The following ENAM variants were observed in gnomAD, a reference collection of about 807,000 sequenced individuals.
ENAM encodes the protein enamelin.
A neutral mutation model predicts 33.6 loss-of-function variants in ENAM; 21 were observed. That is an observed-to-expected ratio of 0.63 (90% CI 0.44 to 0.90). The LOEUF (loss-of-function observed/expected upper bound fraction) is 0.90, where lower values mean the gene tolerates loss of function less well. Among genes scored for constraint, ENAM ranks in the 40% least tolerant of loss-of-function variants. ENAM has a pLI of 0.00. For missense variants in ENAM, 1,388 were observed against 1,366.9 expected, an observed-to-expected ratio of 1.02 and a Z score of -0.24; for synonymous variants, 473 against 468.4, an observed-to-expected ratio of 1.01 and a Z score of -0.13.
intron 1 of ENAM, 66 bp from the exon 2 acceptor site, chr4:70,629,375 A>G (rs1738250360): frequency 1.3e-6 from 1 of 791,072 alleles, no homozygotes; most frequent in Non-Finnish European, 2.3e-6. Context: ...TTAACATGAC[A>G]TGTGCTGCCT....
chr4:70,633,304 G>A (rs948692628), intron 5 of ENAM, among the ~76,000 whole-genome samples: 4 of 151,932 alleles, frequency 2.6e-5, no homozygotes, highest in African/African-American at 9.7e-5. Context: ...CCATTTTTTT[G>A]TAACCCTTTT....
In ENAM at chr4:70,634,411, G is replaced by A. The variant is rs1388301140; in HGVS notation, c.314G>A (p.Arg105Gln). The change falls in exon 6 of 9, where the codon CGG becomes CAG. Residue 105 changes from arginine (R) to glutamine (Q), a missense_variant. Coordinates refer to ENST00000396073, the MANE Select transcript of ENAM (RefSeq NM_031889.3). ...PQPPPNTWHPRKSSAPKRHNK... is the reference protein window; with the variant it reads ...PQPPPNTWHPQKSSAPKRHNK... ...CCACCACCCAACACATGGCATCCAC[G>A]GAAATCCTCAGCACCCAAACGTCAT... The A allele has an allele frequency of 6.8e-6, 11 of 1,613,938 alleles. No individual in the cohort carries two copies. The highest frequency in any genetic ancestry group is 2.2e-5 in the East Asian group (1 of 44,884).
chr4:70,636,422 T>A (rs1738453514), intron 7 of ENAM, among the ~76,000 whole-genome samples: 1 of 151,890 alleles, frequency 6.6e-6, no homozygotes, highest in South Asian at 2.1e-4. Context: ...TCACTTGAGG[T>A]CAGGAGCTCA....
intron 8 of ENAM, among the ~76,000 whole-genome samples, chr4:70,641,293 G>A (rs1738591039): frequency 6.6e-6 from 1 of 152,080 alleles, no homozygotes. Context: ...TATGCCTTTG[G>A]GAGTTGTTAG....
intron 7 of ENAM, among the ~76,000 whole-genome samples, chr4:70,636,872 C>T (rs150616503): frequency 6.6e-6 from 1 of 152,164 alleles, no homozygotes; most frequent in East Asian, 1.9e-4. Flanking sequence ...GAAATTGCAT[C>T]ATAGGCATTA....
Position 70,644,703 on chromosome 4 carries a change from C to A in ENAM, c.3277C>A (p.Pro1093Thr). The change falls in exon 9 of 9, where the codon CCT (proline) becomes ACT (threonine). Residue 1093 changes from proline to threonine, a missense_variant. Physicochemically the swap from Pro to Thr is conservative, Grantham distance 38. Transcript: ENST00000396073. ...GGATTCAATTACGCCTACTGAAAAT[C>A]CTAACACATTGGTTGAGTTAGCTAC... ...DGDSITPTEN[P>T]NTLVELATEE... 6.2e-7 allele frequency: 1 copy of A among 1,614,132 alleles called. No homozygotes were observed. The highest frequency in any genetic ancestry group is 8.5e-7 in the Non-Finnish European group (1 of 1,180,010).
intron 5 of ENAM, 54 bp downstream of exon 5, chr4:70,632,746 C>T: frequency 4.9e-6 from 6 of 1,236,320 alleles, no homozygotes; most frequent in Non-Finnish European, 7.2e-6. Context: ...TAGATAACTC[C>T]GTTATAAAGT....
chr4:70,631,820 A>T (rs749619501), intron 3 of ENAM, 29 bp from the exon 4 acceptor site: 1 of 1,613,566 alleles, frequency 6.2e-7, no homozygotes. Context: ...GATGTTCTGC[A>T]TTTGTCACTG....
intron 2 of ENAM, 92 bp downstream of exon 2, chr4:70,629,646 A>G: frequency 1.1e-6 from 1 of 933,252 alleles, no homozygotes; most frequent in Non-Finnish European, 1.8e-6. Context: ...CACTACTGAA[A>G]TGTATCAGAA....
chr4:70,643,508 T>A lies in ENAM; in HGVS notation c.2082T>A (p.Asn694Lys). 1.2e-6 allele frequency: 2 copies of A among 1,614,062 alleles called. No homozygotes were observed. The highest frequency in any genetic ancestry group is 1.7e-6 in the Non-Finnish European group (2 of 1,179,978). The change falls in exon 9 of 9, where the codon AAT (asparagine) becomes AAA (lysine). Residue 694 changes from asparagine to lysine, a missense_variant. Asn to Lys is a moderately conservative substitution (Grantham distance 94). Transcript: ENST00000396073. ...RHYEGEQYTS[N>K]QPKEYLPYSL... is the part of the protein sequence containing the mutation. ...ATGAAGGTGAACAATATACCTCAAA[T>A]CAGCCAAAGGAATATCTTCCCTATT...
intron 2 of ENAM, 116 bp from the exon 3 acceptor site, chr4:70,631,554 C>A: frequency 1.3e-6 from 1 of 795,576 alleles, no homozygotes; most frequent in African/African-American, 1.7e-5. Flanking sequence ...AGCAGGGGCC[C>A]CATCCATTTC....
intron 8 of ENAM, among the ~76,000 whole-genome samples, chr4:70,641,199 G>A (rs1436040497): frequency 6.6e-6 from 1 of 152,134 alleles, no homozygotes; most frequent in African/African-American, 2.4e-5. Flanking sequence ...AGTTCTGGGT[G>A]CATTCAGTTG....
At chr4:70,641,753 AAAAC>A (rs1195132914) in intron 8 of ENAM, among the ~76,000 whole-genome samples, 2 of 152,166 alleles carry the variant, frequency 1.3e-5, no homozygotes, top group African/African-American at 4.8e-5. Context: ...ACAAAACAGA[AAAAC>A]AAACAAAAAC....
rs767353566 is a variant in ENAM at position 70,629,531 on chromosome 4, T to C, written c.31T>C (p.Ser11Pro). The change falls in exon 2 of 9, where the codon TCT (serine) becomes CCT (proline). Residue 11 changes from serine to proline, a missense_variant. Physicochemically the swap from Ser to Pro is moderately conservative, Grantham distance 74. Transcript: ENST00000396073. MLVLRCRLGTSFPKLDNLVPK... is the reference protein window; with the variant it reads MLVLRCRLGTPFPKLDNLVPK... ...GGTGCTTCGGTGCAGGCTTGGAACCTCTTTTCCTAAACTAGATAACTTGGT... is the reference window on the plus strand; with the variant it reads ...GGTGCTTCGGTGCAGGCTTGGAACCCCTTTTCCTAAACTAGATAACTTGGT... 3 of 1,613,404 alleles carry C rather than the reference T, an allele frequency of 1.9e-6. No individual in the cohort carries two copies. The highest frequency in any genetic ancestry group is 2.5e-6 in the Non-Finnish European group (3 of 1,179,434).
In ENAM at chr4:70,644,068, G is replaced by A. The variant is rs372618651; in HGVS notation, c.2642G>A (p.Gly881Glu). 30 of 1,614,016 alleles carry A rather than the reference G, an allele frequency of 1.9e-5. No individual in the cohort carries two copies. The highest frequency in any genetic ancestry group is 2.5e-5 in the Non-Finnish European group (30 of 1,179,986). The part of the protein sequence containing the change: ...RGSCCAGSST[G>E]PKDNPLALQD... The stretch of plus-strand genomic sequence containing the variant: ...TCTTGCTGTGCTGGTAGCTCCACAG[G>A]GCCCAAGGACAATCCACTAGCTCTA... Residue 881 changes from glycine (G) to glutamate (E), a missense_variant, in exon 9 of 9, where the codon GGG becomes GAG. Gly to Glu is a moderately conservative substitution (Grantham distance 98). Coordinates refer to ENST00000396073, the MANE Select transcript of ENAM (RefSeq NM_031889.3).
At chr4:70,634,643 T>C in intron 6 of ENAM, 75 bp downstream of exon 6, 1 of 1,370,138 alleles carries the variant, frequency 7.3e-7, no homozygotes, top group East Asian at 2.3e-5. Flanking sequence ...CACCCCCATA[T>C]ACACACTTCA....
Position 70,643,480 on chromosome 4 carries a change from A to C in ENAM, c.2054A>C (p.His685Pro). 1 of 1,614,194 alleles carries C rather than the reference A, an allele frequency of 6.2e-7. No homozygotes were observed. Residue 685 changes from histidine (H) to proline (P), a missense_variant, in exon 9 of 9, where the codon CAC (histidine) becomes CCC (proline). Physicochemically the swap from His to Pro is moderately conservative, Grantham distance 77. Coordinates refer to ENST00000396073, the MANE Select transcript of ENAM (RefSeq NM_031889.3). ...LSFKGGPTVRHYEGEQYTSNQ... is the reference protein window; with the variant it reads ...LSFKGGPTVRPYEGEQYTSNQ... ...TTCAAAGGAGGCCCAACAGTTAGGC[A>C]CTATGAAGGTGAACAATATACCTCA...
At position 70,642,254 on chromosome 4, in the gene ENAM, A is replaced by T; in HGVS notation, c.828A>T (p.Gly276=). Residue 276 remains glycine, a synonymous_variant, in exon 9 of 9, where the codon GGA becomes GGT. Coordinates refer to ENST00000396073, the MANE Select transcript of ENAM (RefSeq NM_031889.3). ...DTSPTGNSTP[G]LNTGNNPPAQ... The stretch of plus-strand genomic sequence containing the variant: ...GCCCCACAGGAAACAGTACCCCAGG[A>T]CTAAACACTGGGAACAACCCTCCAG... 2.5e-6 allele frequency: 4 copies of T among 1,614,090 alleles called. No individual in the cohort carries two copies. The highest frequency in any genetic ancestry group is 3.4e-6 in the Non-Finnish European group (4 of 1,179,972).
intron 5 of ENAM, among the ~76,000 whole-genome samples, chr4:70,633,038 G>A (rs1377290161): frequency 6.6e-6 from 1 of 151,988 alleles, no homozygotes; most frequent in Non-Finnish European, 1.5e-5. Context: ...AAGTATTGGT[G>A]GGGGGTAAGT....
Sources: allele counts gnomAD v4.1 joint callset (sites outside exome capture counted in the v4.1 genomes callset), GRCh38; gene constraint gnomAD v4.1.1; transcripts MANE v1.5; gene names NCBI Gene and HGNC (gene_info 2026-07-23, HGNC 2026-07-21).